HNRNPH1: variants seen among roughly 807,000 people sequenced by gnomAD.
HNRNPH1 encodes heterogeneous nuclear ribonucleoprotein H1.
A neutral mutation model predicts 58.6 loss-of-function variants in HNRNPH1; 4 were observed. That is an observed-to-expected ratio of 0.07 (90% CI 0.03 to 0.16). The LOEUF is 0.16. Among genes scored for constraint, HNRNPH1 ranks in the 10% least tolerant of loss-of-function variants. HNRNPH1 has a pLI of 1.00. For synonymous variants in HNRNPH1, 192 were observed against 189.2 expected (o/e 1.01, Z -0.12); for missense variants, 271 against 564.2 (o/e 0.48, Z 5.26).
chr5:179,618,397 T>C, intron 4 of HNRNPH1, 74 bp from the exon 6 acceptor site: 2 of 1,037,812 alleles, frequency 1.9e-6, no homozygotes, highest in Non-Finnish European at 2.8e-6. Context: ...GGTATTTAGT[T>C]ATACAAGAAA....
chr5:179,619,789 C>T (rs1208688050), intron 3 of HNRNPH1: 2 of 154,096 alleles, frequency 1.3e-5, no homozygotes, highest in Admixed American at 6.5e-5. Flanking sequence ...TATTTCAATG[C>T]TTTAAGTTAT....
At chr5:179,620,810 C>T (rs1244515214) in intron 3 of HNRNPH1, 82 bp downstream of exon 4, 19 of 1,209,210 alleles carry the variant, frequency 1.6e-5, no homozygotes, top group Non-Finnish European at 2.2e-5. Flanking sequence ...AATACCTAAG[C>T]TACTCAACTT....
At chr5:179,630,134 A>C (rs1369926129) in intron 2 of HNRNPH1, among the ~76,000 whole-genome samples, 1 of 151,870 alleles carries the variant, frequency 6.6e-6, no homozygotes, top group Non-Finnish European at 1.5e-5. Flanking sequence ...GGATTACCTG[A>C]GGTCGGGAGT....
chr5:179,631,688 G>T (rs1490619549), intron 2 of HNRNPH1, among the ~76,000 whole-genome samples: 1 of 151,616 alleles, frequency 6.6e-6, no homozygotes, highest in African/African-American at 2.4e-5. Context: ...TGGACGTTGC[G>T]ATGAGCTGAG....
At chr5:179,615,686 TTAAC>T in intron 11 of HNRNPH1, 91 bp from the exon 13 acceptor site, 4 of 665,212 alleles carry the variant, frequency 6.0e-6, no homozygotes, top group East Asian at 5.4e-5. Flanking sequence ...CAATCCTAGG[TTAAC>T]TGACTAATAA....
intron 11 of HNRNPH1, 95 bp downstream of exon 12, chr5:179,616,031 G>C: frequency 9.1e-7 from 1 of 1,100,310 alleles, no homozygotes; most frequent in East Asian, 2.4e-5. Flanking sequence ...CTTACTCTAA[G>C]TACAGTAACA....
chr5:179,621,223 A>G lies in HNRNPH1; in HGVS notation c.253+19T>C. 1.2e-6 allele frequency: 2 copies of G among 1,607,764 alleles called. No homozygotes were observed. Among genetic ancestry groups the G allele is most frequent in the East Asian group, 2.2e-5 (1 of 44,838 alleles). ...GTTTAATGCTTTATTTACTGTAACT[A>G]GGGCAATGTAAATCAAACCTTCAAC... On this transcript the variant is annotated intron_variant, in intron 2 of 12. Transcript: ENST00000356731.
chr5:179,622,677 C>G (rs1773075024), intron 1 of HNRNPH1, among the ~76,000 whole-genome samples: 1 of 152,134 alleles, frequency 6.6e-6, no homozygotes, highest in Non-Finnish European at 1.5e-5. Context: ...CGCCACTGCA[C>G]TCCAGCTTGG....
chr5:179,625,224 G>A (rs1480496866), upstream of HNRNPH1, among the ~76,000 whole-genome samples: 3 of 152,104 alleles, frequency 2.0e-5, no homozygotes, highest in African/African-American at 7.2e-5. Context: ...GGCCAGGTGC[G>A]GTGGCTCACT....
chr5:179,624,455 C>T (rs17052463), exon 1 of HNRNPH1: 34,427 of 398,452 alleles, frequency 0.086, 1,558 homozygotes, highest in South Asian at 0.11. Context: ...CCTTGACTGC[C>T]CTGGGGCCCT....
chr5:179,615,557 T>C (rs1483928787), exon 12 of HNRNPH1: 2 of 1,551,998 alleles, frequency 1.3e-6, no homozygotes, highest in East Asian at 2.3e-5. Flanking sequence ...TATGCAATGT[T>C]TGATTGAAAA....
At position 179,617,087 on chromosome 5, in the gene HNRNPH1, A is replaced by G. The variant is rs1298343338; in HGVS notation, c.1081T>C (p.Leu361=). The change falls in exon 9 of 13, where the codon TTG becomes CTG. Residue 361 remains leucine, a synonymous_variant. Transcript: ENST00000356731. ...CCGCTTGCTCCTGCTGTAGAATTCA[A>G]GAAGAGTTCTACATATCTGTGTTCT... 3 of 1,614,166 alleles carry G rather than the reference A, an allele frequency of 1.9e-6. No individual in the cohort carries two copies. In the Admixed American group the frequency reaches 5.0e-5, roughly 27 times the overall value.
At chr5:179,615,584 G>T in exon 12 of HNRNPH1, 1 of 1,563,444 alleles carries the variant, frequency 6.4e-7, no homozygotes, top group Non-Finnish European at 8.8e-7. Flanking sequence ...GAGTTTTCCT[G>T]TAAAACTTGG....
At chr5:179,617,694 T>G in intron 7 of HNRNPH1, 45 bp from the exon 9 acceptor site, 3 of 1,604,996 alleles carry the variant, frequency 1.9e-6, no homozygotes, top group African/African-American at 1.3e-5. Context: ...CTTTCTAACG[T>G]TACAAAAAAA....
intron 3 of HNRNPH1, 165 bp downstream of exon 4, chr5:179,620,727 T>TA: frequency 1.6e-6 from 1 of 617,320 alleles, no homozygotes; most frequent in Non-Finnish European, 2.9e-6. Context: ...TTTCCACCTT[T>TA]AAGATGGGCT....
chr5:179,616,058 ACT>A (rs1165058307), intron 11 of HNRNPH1, 66 bp downstream of exon 12: 1 of 1,334,778 alleles, frequency 7.5e-7, no homozygotes, highest in East Asian at 2.3e-5. Context: ...ACCATAACTT[ACT>A]CTAAGTACAG....
chr5:179,615,695 T>C (rs756152967), intron 11 of HNRNPH1, 100 bp from the exon 13 acceptor site: 1 of 627,050 alleles, frequency 1.6e-6, no homozygotes, highest in South Asian at 2.1e-5. Context: ...GTTAACTGAC[T>C]AATAAATACG....
chr5:179,623,161 CA>C, exon 1 of HNRNPH1: 1 of 1,534,892 alleles, frequency 6.5e-7, no homozygotes. Context: ...GGCGTCGAAA[CA>C]AACTGCAAAG....
intron 8 of HNRNPH1, 106 bp from the exon 10 acceptor site, chr5:179,617,216 T>A: frequency 8.9e-7 from 1 of 1,129,206 alleles, no homozygotes; most frequent in Non-Finnish European, 1.3e-6. Flanking sequence ...TTCAAATACT[T>A]TGGCAAAGAA....
Sources: gnomAD v4.1 joint callset for allele counts (sites outside exome capture counted in the v4.1 genomes callset) on GRCh38, gnomAD v4.1.1 for gene constraint, MANE v1.5 for transcripts, NCBI Gene and HGNC (gene_info 2026-07-23, HGNC 2026-07-21) for gene names.